DOCK3: variants seen among roughly 807,000 people sequenced by gnomAD.
DOCK3 encodes the protein dedicator of cytokinesis protein 3.
DOCK3 carries 60 observed loss-of-function variants against 265.6 expected under a neutral mutation model. That is an observed-to-expected ratio of 0.23 (90% CI 0.18 to 0.28). DOCK3 has a LOEUF of 0.28. Among genes scored for constraint, DOCK3 ranks in the 10% least tolerant of loss-of-function variants. The pLI is 1.00. For synonymous variants in DOCK3, 881 were observed against 938.0 expected (o/e 0.94, Z 1.11); for missense variants, 1,981 against 2,594.3 (o/e 0.76, Z 5.14).
chr3:50,981,723 G>A (rs1291648041), intron 5 of DOCK3, among the ~76,000 whole-genome samples: 1 of 152,042 alleles, frequency 6.6e-6, no homozygotes, highest in African/African-American at 2.4e-5. Flanking sequence ...TTTAAAAATA[G>A]TTTTTGACTT....
chr3:51,297,157 T>C (rs1189510906), intron 27 of DOCK3, among the ~76,000 whole-genome samples: 5 of 138,314 alleles, frequency 3.6e-5, no homozygotes, highest in Non-Finnish European at 7.7e-5. Context: ...TGTAAAAGAA[T>C]GATATCGCAT....
intron 32 of DOCK3, among the ~76,000 whole-genome samples, chr3:51,316,359 T>G (rs1404562319): frequency 1.3e-5 from 2 of 152,238 alleles, no homozygotes; most frequent in Non-Finnish European, 2.9e-5. Flanking sequence ...AGTTCATTCA[T>G]TCACCATTTG....
chr3:51,323,270 C>T (rs1283532076), intron 32 of DOCK3, among the ~76,000 whole-genome samples: 1 of 152,098 alleles, frequency 6.6e-6, no homozygotes, highest in Non-Finnish European at 1.5e-5. Flanking sequence ...GTCTTTAACA[C>T]CCCACTGTCT....
chr3:51,075,406 C>A lies in DOCK3; in HGVS notation c.515C>A (p.Ser172Ter). 1 of 1,610,890 alleles carries A rather than the reference C, an allele frequency of 6.2e-7. No individual in the cohort carries two copies. ...VPRKDFEVVD[S>*]DQISVSDLYK... ...CGGAAGGACTTTGAAGTAGTGGACTCGGACCAGATTAGTGTCTCAGATCTC... is the reference window on the plus strand; with the variant it reads ...CGGAAGGACTTTGAAGTAGTGGACTAGGACCAGATTAGTGTCTCAGATCTC... The change falls in exon 7 of 53, where the codon TCG becomes TAG. Residue 172 changes from serine to a stop codon, truncating the protein, a stop_gained. Coordinates refer to ENST00000266037, the MANE Select transcript of DOCK3 (RefSeq NM_004947.5). LOFTEE classifies it high-confidence loss of function.
intron 27 of DOCK3, among the ~76,000 whole-genome samples, chr3:51,282,271 T>C (rs554325663): frequency 6.6e-6 from 1 of 152,284 alleles, no homozygotes; most frequent in South Asian, 2.1e-4. Context: ...ATTCATACTT[T>C]TAAAGTGTAC....
At position 51,260,274 on chromosome 3, in the gene DOCK3, G is replaced by A. The variant is rs769415067; in HGVS notation, c.2303G>A (p.Arg768Gln). The A allele has an allele frequency of 2.5e-6, 4 of 1,613,730 alleles. No individual in the cohort carries two copies. Among genetic ancestry groups the A allele is most frequent in the Non-Finnish European group, 2.5e-6 (3 of 1,179,872 alleles). Residue 768 changes from arginine to glutamine, a missense_variant, in exon 23 of 53, where the codon CGG (arginine) becomes CAG (glutamine). Physicochemically the swap from Arg to Gln is conservative, Grantham distance 43. This residue lies in a region of DOCK3 where 1,357 missense variants were observed against 1,866.8 expected (regional missense o/e 0.73). Transcript: ENST00000266037. ...SSIQELFQSI[R>Q]FVLSLDSRNS... The stretch of plus-strand genomic sequence containing the variant: ...ATCCAAGAACTTTTCCAGTCCATCC[G>A]GTTTGTGCTCAGTCTGGACAGCCGA...
intron 2 of DOCK3, among the ~76,000 whole-genome samples, chr3:50,810,696 T>A (rs1301336061): frequency 2.0e-4 from 30 of 151,934 alleles, no homozygotes; most frequent in Admixed American, 2.0e-3. Flanking sequence ...ATCTGAAAAA[T>A]ATATTAAATA....
intron 49 of DOCK3, among the ~76,000 whole-genome samples, chr3:51,371,085 C>T (rs775449518): frequency 9.8e-5 from 15 of 152,308 alleles, no homozygotes; most frequent in Middle Eastern, 3.4e-3. Flanking sequence ...GAAGTCCCCA[C>T]GTTTCTAGTC....
intron 4 of DOCK3, among the ~76,000 whole-genome samples, chr3:50,904,404 C>G (rs1374721409): frequency 2.0e-5 from 3 of 152,206 alleles, no homozygotes; most frequent in Non-Finnish European, 4.4e-5. Flanking sequence ...TCCTATTTCT[C>G]CACATCCTCT....
At chr3:50,859,914 A>G (rs1047137874) in intron 3 of DOCK3, among the ~76,000 whole-genome samples, 1 of 152,060 alleles carries the variant, frequency 6.6e-6, no homozygotes, top group African/African-American at 2.4e-5. Context: ...GCTGTAATTT[A>G]TGACTTTGTA....
chr3:50,928,714 A>G (rs1377125288), intron 4 of DOCK3, among the ~76,000 whole-genome samples: 1 of 152,222 alleles, frequency 6.6e-6, no homozygotes, highest in Non-Finnish European at 1.5e-5. Flanking sequence ...TAAACATTTA[A>G]AAATGTTTAT....
intron 2 of DOCK3, 135 bp from the exon 3 acceptor site, chr3:50,841,540 C>G (rs374915629): frequency 7.5e-5 from 24 of 318,532 alleles, no homozygotes; most frequent in East Asian, 3.1e-4. Context: ...GCTATGACAA[C>G]TCTAGATCCT....
At chr3:51,090,144 A>C (rs2082583627) in intron 8 of DOCK3, 86 bp from the exon 9 acceptor site, 1 of 1,343,884 alleles carries the variant, frequency 7.4e-7, no homozygotes, top group Non-Finnish European at 1.0e-6. Context: ...GTGTGAAAAG[A>C]GTTTGTAATT....
intron 23 of DOCK3, among the ~76,000 whole-genome samples, chr3:51,264,843 A>AATAAATAAATAC (rs1327726558): frequency 2.7e-5 from 4 of 150,888 alleles, no homozygotes; most frequent in Admixed American, 1.3e-4. Context: ...TAAATAAATA[A>AATAAATAAATAC]ATAAATAAAT....
At chr3:51,313,784 T>C (rs1183483078) in intron 31 of DOCK3, among the ~76,000 whole-genome samples, 1 of 152,168 alleles carries the variant, frequency 6.6e-6, no homozygotes, top group Non-Finnish European at 1.5e-5. Flanking sequence ...TGAGTGGGGA[T>C]GCATTTCCCC....
intron 1 of DOCK3, among the ~76,000 whole-genome samples, chr3:50,751,351 C>G (rs932289189): frequency 6.6e-6 from 1 of 151,750 alleles, no homozygotes; most frequent in Non-Finnish European, 1.5e-5. Context: ...GTTTGCTGTA[C>G]CTATCAACCC....
rs879345248 is a variant in DOCK3 at position 51,227,362 on chromosome 3, G to T, written c.1457G>T (p.Arg486Leu). ...SFVLYHSNSPRWGEIIKLPIP... is the reference protein window; with the variant it reads ...SFVLYHSNSPLWGEIIKLPIP... The stretch of plus-strand genomic sequence containing the variant: ...GTCCTCTACCACAGTAATAGTCCTC[G>T]CTGGGGAGAAATTATCAAATTGCCT... Residue 486 changes from arginine to leucine, a missense_variant, in exon 16 of 53, where the codon CGC (arginine) becomes CTC (leucine). This residue lies in a region of DOCK3 where 1,357 missense variants were observed against 1,866.8 expected (regional missense o/e 0.73). Coordinates refer to ENST00000266037, the MANE Select transcript of DOCK3 (RefSeq NM_004947.5). 1 of 1,613,898 alleles carries T rather than the reference G, an allele frequency of 6.2e-7. No homozygotes were observed. The highest frequency in any genetic ancestry group is 8.5e-7 in the Non-Finnish European group (1 of 1,179,850).
At chr3:50,961,831 T>C (rs577712617) in intron 5 of DOCK3, among the ~76,000 whole-genome samples, 1 of 152,320 alleles carries the variant, frequency 6.6e-6, no homozygotes, top group Non-Finnish European at 1.5e-5. Context: ...ATCTCTGATC[T>C]GTTTAGTATG....
At chr3:50,910,837 G>A (rs1476217270) in intron 4 of DOCK3, among the ~76,000 whole-genome samples, 1 of 152,062 alleles carries the variant, frequency 6.6e-6, no homozygotes, top group Non-Finnish European at 1.5e-5. Context: ...TTCTTTCCTT[G>A]ATATCATGTT....
Sources: gnomAD v4.1 joint callset for allele counts (sites outside exome capture counted in the v4.1 genomes callset) on GRCh38, gnomAD v4.1.1 for gene constraint, gnomAD v4.1.1 regional missense constraint, MANE v1.5 for transcripts, NCBI Gene and HGNC (gene_info 2026-07-23, HGNC 2026-07-21) for gene names.